Variants in SGCZ observed in about 807,000 individuals in gnomAD.
SGCZ encodes sarcoglycan zeta, also known as zeta-sarcoglycan.
A neutral mutation model predicts 41.3 loss-of-function variants in SGCZ; 40 were observed. The observed-to-expected ratio is 0.97, with a 90% CI of 0.75 to 1.26. The LOEUF is 1.26. Among genes scored for constraint, SGCZ ranks in the 50% most tolerant of loss-of-function variants. The pLI is 0.00. For synonymous variants in SGCZ, 206 were observed against 137.5 expected (o/e 1.50, Z -3.49); for missense variants, 552 against 369.8 (o/e 1.49, Z -4.04).
chr8:14,450,384 A>G (rs1800557164), intron 2 of SGCZ, among the ~76,000 whole-genome samples: 1 of 152,232 alleles, frequency 6.6e-6, no homozygotes, highest in South Asian at 2.1e-4. Flanking sequence ...GAAATGTAGA[A>G]ATTGGCTTTA....
chr8:14,845,572 A>G (rs1214856756), intron 1 of SGCZ, among the ~76,000 whole-genome samples: 1 of 152,196 alleles, frequency 6.6e-6, no homozygotes, highest in Admixed American at 6.5e-5. Flanking sequence ...GAATTTGTAG[A>G]CAGAAACACG....
chr8:14,992,407 C>G (rs1485980574), intron 1 of SGCZ, among the ~76,000 whole-genome samples: 1 of 147,754 alleles, frequency 6.8e-6, no homozygotes, highest in Non-Finnish European at 1.5e-5. Flanking sequence ...CTCAACTATT[C>G]AACTCCAAAA....
chr8:15,004,309 T>C (rs1313504868), intron 1 of SGCZ, among the ~76,000 whole-genome samples: 1 of 152,100 alleles, frequency 6.6e-6, no homozygotes, highest in Non-Finnish European at 1.5e-5. Flanking sequence ...AGAATGTGCA[T>C]GCAACACCAG....
chr8:14,513,225 C>A (rs948418289), intron 2 of SGCZ, among the ~76,000 whole-genome samples: 2 of 151,678 alleles, frequency 1.3e-5, no homozygotes, highest in African/African-American at 4.8e-5. Flanking sequence ...TTTGTAGAGA[C>A]AGGGGTCTCC....
chr8:14,468,119 G>T (rs779686601), intron 2 of SGCZ, among the ~76,000 whole-genome samples: 44 of 151,928 alleles, frequency 2.9e-4, no homozygotes, highest in Non-Finnish European at 5.3e-4. Context: ...TCGCTTATGA[G>T]TTTGGGTTTA....
rs57298400 is a variant in SGCZ, at chr8:14,279,189, AG to A, written c.337-41511del. ...AAGCTCAATAGGTCCCTGAGGAGCA[AG>A]GGGGGAAAGGGGAAAAGTAGAGTTT... On this transcript the variant is annotated intron_variant, in intron 3 of 7. Coordinates refer to ENST00000382080, the MANE Select transcript of SGCZ (RefSeq NM_139167.4). 2.0e-3 allele frequency among the ~76,000 whole-genome samples: 299 copies of A among 152,126 alleles called. 1 individual carries two copies. Among genetic ancestry groups the A allele is most frequent in the African/African-American group, 6.8e-3 (282 of 41,524 alleles).
At chr8:14,932,814 C>G (rs1282583492) in intron 1 of SGCZ, among the ~76,000 whole-genome samples, 1 of 151,914 alleles carries the variant, frequency 6.6e-6, no homozygotes, top group African/African-American at 2.4e-5. Flanking sequence ...AAATGCATTA[C>G]AGAGCTTGAA....
chr8:14,102,245 CCTAAGTTACAACTCCATTTATTT>C, intron 7 of SGCZ, 108 bp downstream of exon 7: 1 of 1,058,162 alleles, frequency 9.5e-7, no homozygotes. Context: ...ATATTACTTT[CCTAAGTTACAACTCCATTTATTT>C]TCTACTGAAA....
At chr8:14,616,078 T>C (rs1164042565) in intron 1 of SGCZ, among the ~76,000 whole-genome samples, 2 of 151,876 alleles carry the variant, frequency 1.3e-5, no homozygotes, top group Non-Finnish European at 2.9e-5. Context: ...GGTCAAGAGA[T>C]CAAGACCATC....
intron 1 of SGCZ, among the ~76,000 whole-genome samples, chr8:14,809,435 T>C (rs1801672559): frequency 6.6e-6 from 1 of 152,076 alleles, no homozygotes; most frequent in African/African-American, 2.4e-5. Flanking sequence ...TTGCCTTGTG[T>C]TAAAAACACA....
intron 2 of SGCZ, among the ~76,000 whole-genome samples, chr8:14,432,535 T>C (rs1799971798): frequency 6.6e-6 from 1 of 151,660 alleles, no homozygotes; most frequent in Non-Finnish European, 1.5e-5. Flanking sequence ...GGGTAAAGGG[T>C]GAGAAGGGGG....
chr8:14,509,623 G>C (rs1167679072), intron 2 of SGCZ, among the ~76,000 whole-genome samples: 2 of 152,062 alleles, frequency 1.3e-5, no homozygotes, highest in Non-Finnish European at 2.9e-5. Context: ...TCATCTCCAA[G>C]GTGAGATGGA....
intron 1 of SGCZ, among the ~76,000 whole-genome samples, chr8:15,134,306 T>TG (rs201182203): frequency 3.6e-4 from 46 of 127,780 alleles, no homozygotes; most frequent in Non-Finnish European, 6.4e-4. Context: ...CATTAGGTCT[T>TG]TTTTTTTTTT....
intron 1 of SGCZ, among the ~76,000 whole-genome samples, chr8:15,178,226 T>C (rs1800057983): frequency 6.6e-6 from 1 of 152,056 alleles, no homozygotes. Flanking sequence ...TGAGAATTTT[T>C]TTTTTACTAA....
chr8:14,464,610 T>C (rs1800996634), intron 2 of SGCZ, among the ~76,000 whole-genome samples: 1 of 151,500 alleles, frequency 6.6e-6, no homozygotes, highest in Non-Finnish European at 1.5e-5. Flanking sequence ...TGCTTTAGTC[T>C]TTATGATTTC....
chr8:14,536,916 G>T (rs956047865), intron 2 of SGCZ, among the ~76,000 whole-genome samples: 1 of 151,894 alleles, frequency 6.6e-6, no homozygotes, highest in South Asian at 2.1e-4. Flanking sequence ...TCATCACTAG[G>T]AAGCTATAAA....
intron 3 of SGCZ, among the ~76,000 whole-genome samples, chr8:14,261,386 T>G (rs190983709): frequency 6.6e-6 from 1 of 152,316 alleles, no homozygotes; most frequent in Admixed American, 6.5e-5. Context: ...GTAAGTATTT[T>G]GACAGTTTAT....
chr8:14,957,861 T>C (rs1585412286), intron 1 of SGCZ, among the ~76,000 whole-genome samples: 2 of 152,122 alleles, frequency 1.3e-5, no homozygotes, highest in South Asian at 4.1e-4. Context: ...AAATATAAAA[T>C]GACTTACGTA....
intron 1 of SGCZ, among the ~76,000 whole-genome samples, chr8:14,718,404 T>A (rs1231882468): frequency 6.6e-6 from 1 of 152,014 alleles, no homozygotes; most frequent in Non-Finnish European, 1.5e-5. Flanking sequence ...ACCAATATTA[T>A]CTATATACGA....
Sources: allele counts gnomAD v4.1 joint callset (sites outside exome capture counted in the v4.1 genomes callset), GRCh38; gene constraint gnomAD v4.1.1; transcripts MANE v1.5; gene names NCBI Gene and HGNC (gene_info 2026-07-23, HGNC 2026-07-21).